The following SLC25A6 variants were observed in gnomAD, a reference collection of about 807,000 sequenced individuals.
The protein encoded by SLC25A6 is solute carrier family 25 member 6, also known as ADP/ATP translocase 3.
SLC25A6 carries 9 observed loss-of-function variants against 25.7 expected under a neutral mutation model. The ratio of observed to expected loss-of-function variants is 0.35; its 90% CI spans 0.21 to 0.61. The LOEUF (loss-of-function observed/expected upper bound fraction) is 0.61, where lower values mean the gene tolerates loss of function less well. SLC25A6 is among the 20% of genes least tolerant of loss of function. The pLI, the probability that SLC25A6 is intolerant of heterozygous loss-of-function variation, is 0.76. For missense variants in SLC25A6, 404 were observed against 440.5 expected, an observed-to-expected ratio of 0.92 and a Z score of 0.74; for synonymous variants, 223 against 197.0, an observed-to-expected ratio of 1.13 and a Z score of -1.11.
At chrX:1,388,354 G>A (rs1380996834) in intron 2 of SLC25A6, among the ~76,000 whole-genome samples, 2 of 148,376 alleles carry the variant, frequency 1.3e-5, no homozygotes, top group African/African-American at 5.0e-5. Context: ...ATCAGAAGAG[G>A]ACACGAGGAC....
In SLC25A6 at chrX:1,389,402, C is replaced by T. The variant is rs143851976; in HGVS notation, c.437G>A (p.Gly146Glu). 4 of 1,613,654 alleles carry T rather than the reference C, an allele frequency of 2.5e-6. No individual in the cohort carries two copies. The highest frequency in any genetic ancestry group is 8.5e-7 in the Non-Finnish European group (1 of 1,179,888). ...GAACTCGCGCTCTGTGCCTGACTTT[C>T]CCACGTCCGCTGCCAGGCGGGTTCT... ...FARTRLAADV[G>E]KSGTEREFRG... Residue 146 changes from glycine (G) to glutamate (E), a missense_variant, in exon 2 of 4, where the codon GGA (glycine) becomes GAA (glutamate). Coordinates refer to ENST00000381401, the MANE Select transcript of SLC25A6 (RefSeq NM_001636.4).
chrX:1,386,813 G>T (rs2089331256), intron 3 of SLC25A6, 54 bp from the exon 4 acceptor site: 2 of 1,566,358 alleles, frequency 1.3e-6, no homozygotes, highest in East Asian at 4.6e-5. Flanking sequence ...TCAAGACACG[G>T]ACGCCACCTG....
Position 1,392,077 on chromosome X carries a change from T to A in SLC25A6, c.-68A>T. On this transcript the variant is annotated 5_prime_UTR_variant, in exon 1 of 4. Coordinates refer to ENST00000381401, the MANE Select transcript of SLC25A6 (RefSeq NM_001636.4). ...GGGCGCGGAGAGTGAATGGAGGGCG[T>A]CGCTGGCTCAGCCCTGCCGCCGCCT... 1.6e-6 allele frequency: 2 copies of A among 1,219,972 alleles called. No homozygotes were observed. The highest frequency in any genetic ancestry group is 2.3e-6 in the Non-Finnish European group (2 of 851,582). The allele number at this position is 1,219,972 out of a possible 1,614,324, so 75.6% of individuals were successfully genotyped here.
chrX:1,389,258 A>G lies in SLC25A6; in HGVS notation c.581T>C (p.Val194Ala), dbSNP rs2089369555. ...IIIYRAAYFG[V>A]YDTAKGMLPD... ...ACACGTACCCTTGGCCGTATCGTAC[A>G]CGCCGAAGTAGGCCGCCCGGTAGAT... Residue 194 changes from valine to alanine, a missense_variant, in exon 2 of 4, where the codon GTG (valine) becomes GCG (alanine). Val to Ala is a moderately conservative substitution (Grantham distance 64). Transcript: ENST00000381401. 1 of 1,613,176 alleles carries G rather than the reference A, an allele frequency of 6.2e-7. No individual in the cohort carries two copies. Among genetic ancestry groups the G allele is most frequent in the Non-Finnish European group, 8.5e-7 (1 of 1,179,432 alleles).
rs1195529731 is a variant in SLC25A6 at position 1,387,286 on chromosome X, G to A, written c.732C>T (p.Arg244=). The A allele has an allele frequency of 6.2e-7, 1 of 1,612,300 alleles. No individual in the cohort carries two copies. Among genetic ancestry groups the A allele is most frequent in the Non-Finnish European group, 8.5e-7 (1 of 1,179,432 alleles). The part of the protein sequence containing the change: ...VRRRMMMQSG[R]KGADIMYTGT... ...CCCCGCCCCCCCGAGTACCTCCTTT[G>A]CGCCCGGACTGCATCATCATGCGCC... Residue 244 remains arginine (R), a synonymous_variant, in exon 3 of 4, where the codon CGC becomes CGT. Coordinates refer to ENST00000381401, the MANE Select transcript of SLC25A6 (RefSeq NM_001636.4).
intron 1 of SLC25A6, among the ~76,000 whole-genome samples, chrX:1,391,451 C>T (rs376257496): frequency 5.3e-5 from 8 of 152,334 alleles, no homozygotes; most frequent in African/African-American, 1.9e-4. Context: ...TAACCATATC[C>T]TGGTTATTCC....
At position 1,386,744 on chromosome X, in the gene SLC25A6, G is replaced by T; in HGVS notation, c.755C>A (p.Thr252Lys). ...SGRKGADIMY[T>K]GTVDCWRKIF... is the part of the protein sequence containing the mutation. Reference sequence around the variant, plus strand: ...CTTCCTCCAACAGTCGACGGTGCCCGTGTACATGATGTCAGCTGCAACGAC... The same window carrying T: ...CTTCCTCCAACAGTCGACGGTGCCCTTGTACATGATGTCAGCTGCAACGAC... The change falls in exon 4 of 4, where the codon ACG becomes AAG. Residue 252 changes from threonine to lysine, a missense_variant. Transcript: ENST00000381401. 1 of 1,606,674 alleles carries T rather than the reference G, an allele frequency of 6.2e-7. No homozygotes were observed. Among genetic ancestry groups the T allele is most frequent in the South Asian group, 1.1e-5 (1 of 90,308 alleles).
At chrX:1,387,776 C>CCAGGACCT (rs1166828865) in intron 2 of SLC25A6, among the ~76,000 whole-genome samples, 1 of 152,108 alleles carries the variant, frequency 6.6e-6, no homozygotes, top group African/African-American at 2.4e-5. Flanking sequence ...CACCCCCACC[C>CCAGGACCT]CAGGACCTCA....
chrX:1,386,386 C>T lies in SLC25A6; in HGVS notation c.*216G>A. ...CCCCACGCAGGGACGCCACGGTTCC[C>T]TCCCACCCCGTGATCAAGACACGGA... On this transcript the variant is annotated 3_prime_UTR_variant, in exon 4 of 4. Coordinates refer to ENST00000381401, the MANE Select transcript of SLC25A6 (RefSeq NM_001636.4). The T allele has an allele frequency of 3.6e-6, 2 of 561,886 alleles. No individual in the cohort carries two copies. Among genetic ancestry groups the T allele is most frequent in the South Asian group, 3.8e-5 (1 of 26,618 alleles). The allele number at this position is 561,886 out of a possible 1,614,324, so 34.8% of individuals were successfully genotyped here. A position where few individuals can be genotyped will look rare whatever the true frequency, so the allele number is the denominator to read the frequency against.
chrX:1,391,530 A>G (rs2089411339), intron 1 of SLC25A6, among the ~76,000 whole-genome samples: 1 of 152,192 alleles, frequency 6.6e-6, no homozygotes, highest in Admixed American at 6.5e-5. Flanking sequence ...AGGGAGCAAG[A>G]GCAGACACCT....
chrX:1,391,483 G>C (rs1459031693), intron 1 of SLC25A6, among the ~76,000 whole-genome samples: 1 of 152,204 alleles, frequency 6.6e-6, no homozygotes, highest in African/African-American at 2.4e-5. Flanking sequence ...GGGCAGGCTC[G>C]TTGCCCTATT....
At position 1,387,360 on chromosome X, in the gene SLC25A6, C is replaced by G; in HGVS notation, c.658G>C (p.Val220Leu). ...GACACCACGCCGGCCACGGCCGTCA[C>G]GGTCTGCGCGATCATCCAGCTCACC... is the stretch of plus-strand genomic sequence containing the variant. ...IVVSWMIAQT[V>L]TAVAGVVSYP... The change falls in exon 3 of 4, where the codon GTG (valine) becomes CTG (leucine). Residue 220 changes from valine to leucine, a missense_variant. Transcript: ENST00000381401. The G allele has an allele frequency of 6.2e-7, 1 of 1,613,354 alleles. No homozygotes were observed. The highest frequency in any genetic ancestry group is 8.5e-7 in the Non-Finnish European group (1 of 1,179,776).
chrX:1,391,097 C>T lies in SLC25A6; in HGVS notation c.111+802G>A, dbSNP rs142917405. ...CTGAGCTCACGCGATCCTCTCCGGG[C>T]CTCTCAATGCACTGGGACGTCCTGC... On this transcript the variant is annotated intron_variant, in intron 1 of 3. Transcript: ENST00000381401. Among the ~76,000 whole-genome samples, 723 of 152,282 alleles carry T rather than the reference C, an allele frequency of 4.7e-3. 28 individuals carry two copies. Among genetic ancestry groups the T allele is most frequent in the Admixed American group, 0.043 (664 of 15,276 alleles).
rs2089321810 is a variant in SLC25A6 at position 1,386,268 on chromosome X, A to G, written c.*334T>C. 6.7e-6 allele frequency: 2 copies of G among 300,638 alleles called. No individual in the cohort carries two copies. Among genetic ancestry groups the G allele is most frequent in the East Asian group, 5.4e-5 (1 of 18,438 alleles). 18.6% of individuals were successfully genotyped at this position (300,638 alleles called of 1,614,324 possible). On this transcript the variant is annotated 3_prime_UTR_variant, in exon 4 of 4. Coordinates refer to ENST00000381401, the MANE Select transcript of SLC25A6 (RefSeq NM_001636.4). ...GCTGAAGTACAAATGGGAAAACGTG[A>G]TTCTTTTGTTTTAAATAAATACTTA... is the stretch of plus-strand genomic sequence containing the variant.
rs1372258410 is a variant in SLC25A6 at position 1,386,264 on chromosome X, C to T, written c.*338G>A. 115 of 286,516 alleles carry T rather than the reference C, an allele frequency of 4.0e-4. No homozygotes were observed. The highest frequency in any genetic ancestry group is 6.3e-4 in the Non-Finnish European group (97 of 155,186). 17.7% of individuals were successfully genotyped at this position (286,516 alleles called of 1,614,324 possible). A position where few individuals can be genotyped will look rare whatever the true frequency, so the allele number is the denominator to read the frequency against. ...TAGCGCTGAAGTACAAATGGGAAAA[C>T]GTGATTCTTTTGTTTTAAATAAATA... On this transcript the variant is annotated 3_prime_UTR_variant, in exon 4 of 4. Transcript: ENST00000381401.
chrX:1,389,139 C>A (rs2089367199), intron 2 of SLC25A6, 102 bp downstream of exon 2: 5 of 1,343,804 alleles, frequency 3.7e-6, no homozygotes, highest in Non-Finnish European at 4.1e-6. Flanking sequence ...GAGGAACCAG[C>A]CCTGCCCACA....
rs778030617 is a variant in SLC25A6, at chrX:1,387,395, G to A, written c.623C>T (p.Thr208Met). 3.1e-6 allele frequency: 5 copies of A among 1,612,974 alleles called. No individual in the cohort carries two copies. The highest frequency in any genetic ancestry group is 3.3e-5 in the Admixed American group (2 of 59,984). Residue 208 changes from threonine to methionine, a missense_variant, in exon 3 of 4, where the codon ACG becomes ATG. Thr to Met is a moderately conservative substitution (Grantham distance 81). Coordinates refer to ENST00000381401, the MANE Select transcript of SLC25A6 (RefSeq NM_001636.4). ...GATCATCCAGCTCACCACGATGTGC[G>A]TGTTCTTGGGGTCGGGGAGCATGCC... ...AKGMLPDPKN[T>M]HIVVSWMIAQ...
intron 2 of SLC25A6, among the ~76,000 whole-genome samples, chrX:1,388,167 GGA>G (rs1254163582): frequency 2.3e-4 from 34 of 149,272 alleles, no homozygotes; most frequent in Middle Eastern, 3.6e-3. Context: ...GAGGACACAG[GGA>G]GAAGACGGCG....
rs1181066446 is a variant in SLC25A6 at position 1,386,656 on chromosome X, G to A, written c.843C>T (p.Gly281=). Residue 281 remains glycine (G), a synonymous_variant, in exon 4 of 4, where the codon GGC becomes GGT. Coordinates refer to ENST00000381401, the MANE Select transcript of SLC25A6 (RefSeq NM_001636.4). ...GGACCAGCACGAAGGCGCCCCCCAT[G>A]CCCCGCAGGACGTTGGACCACGCAC... ...FKGAWSNVLR[G]MGGAFVLVLY... is the part of the protein sequence containing the mutation. 1.2e-6 allele frequency: 2 copies of A among 1,605,524 alleles called. No individual in the cohort carries two copies. Among genetic ancestry groups the A allele is most frequent in the Admixed American group, 3.4e-5 (2 of 59,104 alleles).
Sources: gnomAD v4.1 joint callset for allele counts (sites outside exome capture counted in the v4.1 genomes callset) on GRCh38, gnomAD v4.1.1 for gene constraint, MANE v1.5 for transcripts, NCBI Gene and HGNC (gene_info 2026-07-23, HGNC 2026-07-21) for gene names.